ERC2: variants seen among roughly 807,000 people sequenced by gnomAD.
ERC2 encodes the protein ELKS/RAB6-interacting/CAST family member 2.
Under a neutral mutation model 114.8 loss-of-function variants are expected in ERC2, and 42 were observed. The observed-to-expected ratio is 0.37, with a 90% CI of 0.29 to 0.47. The LOEUF (loss-of-function observed/expected upper bound fraction) is 0.47, where lower values mean the gene tolerates loss of function less well. ERC2 is among the 20% of genes least tolerant of loss of function. The probability of loss-of-function intolerance (pLI) is 0.99; values close to 1 mark genes in which losing one functional copy is unlikely to be tolerated. For missense variants in ERC2, 939 were observed against 1,150.7 expected, an observed-to-expected ratio of 0.82 and a Z score of 2.66; for synonymous variants, 454 against 425.5, an observed-to-expected ratio of 1.07 and a Z score of -0.82.
intron 17 of ERC2, among the ~76,000 whole-genome samples, chr3:55,518,612 C>T (rs1248413730): frequency 6.6e-6 from 1 of 152,016 alleles, no homozygotes; most frequent in East Asian, 1.9e-4. Flanking sequence ...ACGTGTTTGG[C>T]ATTAATGCAA....
chr3:55,933,404 A>G (rs1184422095), intron 13 of ERC2, among the ~76,000 whole-genome samples: 1 of 152,168 alleles, frequency 6.6e-6, no homozygotes, highest in Non-Finnish European at 1.5e-5. Context: ...AGCAACAATA[A>G]AGATAGCAAA....
At chr3:55,761,350 G>C (rs1275229554) in intron 14 of ERC2, among the ~76,000 whole-genome samples, 5 of 151,896 alleles carry the variant, frequency 3.3e-5, no homozygotes, top group African/African-American at 1.2e-4. Flanking sequence ...TTTAATACAA[G>C]TGTGTCCTGC....
At chr3:55,656,054 C>T (rs904117519) in intron 17 of ERC2, among the ~76,000 whole-genome samples, 2 of 152,200 alleles carry the variant, frequency 1.3e-5, no homozygotes, top group Non-Finnish European at 2.9e-5. Context: ...TGCAAAGCTG[C>T]TTGGCCCCTC....
chr3:55,655,071 G>T (rs1301812184), intron 17 of ERC2, among the ~76,000 whole-genome samples: 1 of 151,792 alleles, frequency 6.6e-6, no homozygotes, highest in African/African-American at 2.4e-5. Flanking sequence ...GCCCTCGGCC[G>T]ATGACCGTCA....
intron 2 of ERC2, among the ~76,000 whole-genome samples, chr3:56,357,106 A>C: frequency 6.6e-6 from 1 of 152,342 alleles, no homozygotes; most frequent in Non-Finnish European, 1.5e-5. Context: ...GTAGTGCAAA[A>C]GCAGCCATGC....
At chr3:56,221,333 T>C (rs1286892725) in intron 3 of ERC2, among the ~76,000 whole-genome samples, 1 of 151,474 alleles carries the variant, frequency 6.6e-6, no homozygotes, top group African/African-American at 2.4e-5. Context: ...GTTATTCTTC[T>C]GGTTTTGGTT....
intron 14 of ERC2, among the ~76,000 whole-genome samples, chr3:55,784,897 A>T (rs925469275): frequency 6.6e-6 from 1 of 152,202 alleles, no homozygotes. Context: ...TCATTTATGC[A>T]TCCATTATAT....
At chr3:55,649,409 C>A (rs1575933581) in intron 17 of ERC2, among the ~76,000 whole-genome samples, 1 of 151,956 alleles carries the variant, frequency 6.6e-6, no homozygotes, top group Non-Finnish European at 1.5e-5. Context: ...TACAGGCGCG[C>A]ACCACCAGGT....
chr3:55,550,932 C>T (rs561224867), intron 17 of ERC2, among the ~76,000 whole-genome samples: 9 of 149,608 alleles, frequency 6.0e-5, no homozygotes, highest in African/African-American at 1.2e-4. Context: ...AGAAGAATGG[C>T]GTGAACCTGG....
At chr3:55,638,235 C>T (rs1020812786) in intron 17 of ERC2, among the ~76,000 whole-genome samples, 2 of 152,206 alleles carry the variant, frequency 1.3e-5, no homozygotes, top group East Asian at 3.9e-4. Context: ...ACACACATCC[C>T]AACCTCCTCC....
chr3:56,218,765 T>A (rs1447875560), intron 3 of ERC2, among the ~76,000 whole-genome samples: 1 of 152,060 alleles, frequency 6.6e-6, no homozygotes, highest in Non-Finnish European at 1.5e-5. Flanking sequence ...ATAGACTGGA[T>A]TAAGAAAATG....
At chr3:56,199,608 A>G (rs2048296828) in intron 3 of ERC2, among the ~76,000 whole-genome samples, 1 of 152,080 alleles carries the variant, frequency 6.6e-6, no homozygotes, top group South Asian at 2.1e-4. Context: ...CCTGGGCTCA[A>G]GTGATCCTCC....
At chr3:55,745,491 T>G (rs56140704) in intron 14 of ERC2, among the ~76,000 whole-genome samples, 2,750 of 152,334 alleles carry the variant, frequency 0.018, 36 homozygotes, top group Middle Eastern at 0.031. Flanking sequence ...CATGACATAC[T>G]GCAATACCCT....
At chr3:56,040,561 A>G (rs1462254551) in intron 7 of ERC2, among the ~76,000 whole-genome samples, 1 of 134,148 alleles carries the variant, frequency 7.5e-6, no homozygotes, top group East Asian at 2.3e-4. Flanking sequence ...ATATGTATAT[A>G]GAGATGTATA....
chr3:56,295,462 A>C (rs1014825879), intron 3 of ERC2, among the ~76,000 whole-genome samples: 3 of 152,220 alleles, frequency 2.0e-5, no homozygotes, highest in African/African-American at 7.2e-5. Flanking sequence ...CTAAGGGCAA[A>C]ACACATACTC....
At chr3:55,783,317 A>G (rs2069212664) in intron 14 of ERC2, among the ~76,000 whole-genome samples, 1 of 152,200 alleles carries the variant, frequency 6.6e-6, no homozygotes, top group South Asian at 2.1e-4. Flanking sequence ...CAGTTTCTCC[A>G]TTAATAAAAA....
chr3:56,242,768 T>C (rs1187274724), intron 3 of ERC2, among the ~76,000 whole-genome samples: 2 of 152,074 alleles, frequency 1.3e-5, no homozygotes, highest in Non-Finnish European at 2.9e-5. Flanking sequence ...TGCTGAGCTA[T>C]GCAAGAAAAT....
intron 3 of ERC2, among the ~76,000 whole-genome samples, chr3:56,207,487 C>A (rs1295770145): frequency 3.9e-5 from 6 of 152,024 alleles, no homozygotes; most frequent in African/African-American, 1.4e-4. Context: ...CTGCCTCTTT[C>A]ATTTAGCATC....
At chr3:55,625,415 T>TA (rs557399094) in intron 17 of ERC2, among the ~76,000 whole-genome samples, 1,853 of 139,652 alleles carry the variant, frequency 0.013, 22 homozygotes, top group East Asian at 0.056. Flanking sequence ...ATAGCTAAGT[T>TA]AAAAAAAAAA....
Sources: allele counts gnomAD v4.1 joint callset (sites outside exome capture counted in the v4.1 genomes callset), GRCh38; gene constraint gnomAD v4.1.1; transcripts MANE v1.5; gene names NCBI Gene and HGNC (gene_info 2026-07-23, HGNC 2026-07-21).